CSMD1: variants seen among roughly 807,000 people sequenced by gnomAD.
CSMD1 encodes the protein CUB and sushi domain-containing protein 1.
In CSMD1, 213 loss-of-function variants were observed where a neutral mutation model predicts 417.5. The ratio of observed to expected loss-of-function variants is 0.51; its 90% CI spans 0.46 to 0.57. CSMD1 has a LOEUF of 0.57. CSMD1 is among the 20% of genes least tolerant of loss of function. CSMD1 has a pLI of 0.00. For synonymous variants in CSMD1, 2,862 were observed against 1,736.8 expected, an observed-to-expected ratio of 1.65 and a Z score of -16.11; for missense variants, 6,923 against 4,529.7, an observed-to-expected ratio of 1.53 and a Z score of -15.17.
At chr8:4,775,790 G>A (rs997223996) in intron 1 of CSMD1, among the ~76,000 whole-genome samples, 1 of 152,150 alleles carries the variant, frequency 6.6e-6, no homozygotes. Context: ...ATGCACTGGG[G>A]ATGGGTCCTC....
intron 23 of CSMD1, among the ~76,000 whole-genome samples, chr8:3,327,892 G>C (rs1174469476): frequency 6.6e-6 from 1 of 151,978 alleles, no homozygotes; most frequent in Non-Finnish European, 1.5e-5. Context: ...GATATTCACT[G>C]TGACCCGGAT....
At chr8:3,735,619 G>A (rs1480640573) in intron 6 of CSMD1, among the ~76,000 whole-genome samples, 2 of 152,144 alleles carry the variant, frequency 1.3e-5, no homozygotes, top group Admixed American at 6.5e-5. Context: ...TCTCTCCACA[G>A]GTAAGTCTGA....
intron 7 of CSMD1, among the ~76,000 whole-genome samples, chr8:3,653,039 A>C (rs1351033450): frequency 6.6e-6 from 1 of 152,104 alleles, no homozygotes; most frequent in Non-Finnish European, 1.5e-5. Context: ...AAAGACACAA[A>C]TGTTTTCTAT....
intron 5 of CSMD1, among the ~76,000 whole-genome samples, chr8:3,846,539 T>C (rs938088597): frequency 1.3e-5 from 2 of 152,256 alleles, no homozygotes; most frequent in African/African-American, 4.8e-5. Context: ...GTGGATTAAT[T>C]GGGCTAGAGC....
intron 7 of CSMD1, among the ~76,000 whole-genome samples, chr8:3,684,281 T>C (rs1406322513): frequency 1.4e-5 from 2 of 144,250 alleles, no homozygotes; most frequent in African/African-American, 5.0e-5. Flanking sequence ...TGTTATATAT[T>C]ATATATAATA....
intron 3 of CSMD1, among the ~76,000 whole-genome samples, chr8:4,200,559 A>G (rs1799587098): frequency 1.3e-5 from 2 of 151,004 alleles, no homozygotes; most frequent in East Asian, 1.9e-4. Context: ...TGCTATCCTT[A>G]TATAATTATA....
chr8:4,277,216 TAC>T (rs398006965), intron 3 of CSMD1, among the ~76,000 whole-genome samples: 9 of 147,094 alleles, frequency 6.1e-5, no homozygotes, highest in Non-Finnish European at 7.6e-5. Flanking sequence ...TATATATATA[TAC>T]ACACAGACAC....
At chr8:3,718,167 A>G (rs1022334609) in intron 6 of CSMD1, among the ~76,000 whole-genome samples, 7 of 152,216 alleles carry the variant, frequency 4.6e-5, no homozygotes, top group African/African-American at 1.4e-4. Context: ...TGGTCTGTAC[A>G]TTACGAGAAG....
At chr8:4,591,195 C>T (rs555735741) in intron 2 of CSMD1, among the ~76,000 whole-genome samples, 7 of 152,188 alleles carry the variant, frequency 4.6e-5, no homozygotes, top group African/African-American at 1.7e-4. Flanking sequence ...TAGGTATTGG[C>T]TGAGTAAAGA....
chr8:3,898,990 C>T (rs1807548459), intron 5 of CSMD1, among the ~76,000 whole-genome samples: 1 of 152,058 alleles, frequency 6.6e-6, no homozygotes, highest in South Asian at 2.1e-4. Context: ...GTACATATTT[C>T]AGTGCTAAAA....
intron 3 of CSMD1, among the ~76,000 whole-genome samples, chr8:4,294,847 T>C (rs1563404945): frequency 1.3e-5 from 2 of 151,932 alleles, no homozygotes; most frequent in Non-Finnish European, 2.9e-5. Context: ...TTTCCTAAAA[T>C]AATTCCAGAA....
intron 26 of CSMD1, among the ~76,000 whole-genome samples, chr8:3,254,206 A>G (rs1168794874): frequency 6.6e-6 from 1 of 151,832 alleles, no homozygotes; most frequent in Non-Finnish European, 1.5e-5. Flanking sequence ...ATTGGCCCCC[A>G]CTCTCTTCTG....
chr8:3,293,056 T>A (rs528204845), intron 25 of CSMD1, among the ~76,000 whole-genome samples: 1 of 152,308 alleles, frequency 6.6e-6, no homozygotes, highest in South Asian at 2.1e-4. Context: ...TGCTTGTGTG[T>A]AAAGTATTTT....
chr8:4,782,050 C>A (rs1797177389), intron 1 of CSMD1, among the ~76,000 whole-genome samples: 2 of 152,148 alleles, frequency 1.3e-5, no homozygotes, highest in African/African-American at 4.8e-5. Flanking sequence ...GCCCACTAAA[C>A]ACCAATTATT....
chr8:4,381,091 G>A (rs540347303), intron 3 of CSMD1, among the ~76,000 whole-genome samples: 1 of 152,254 alleles, frequency 6.6e-6, no homozygotes, highest in Admixed American at 6.5e-5. Flanking sequence ...AGTAATTGTG[G>A]TTTTAGCCAT....
At chr8:4,124,016 T>C (rs1172618418) in intron 3 of CSMD1, among the ~76,000 whole-genome samples, 1 of 152,100 alleles carries the variant, frequency 6.6e-6, no homozygotes, top group African/African-American at 2.4e-5. Context: ...ATGGATTATC[T>C]AACTTTTTTT....
intron 2 of CSMD1, among the ~76,000 whole-genome samples, chr8:4,454,804 G>A (rs1368019977): frequency 6.6e-6 from 1 of 152,184 alleles, no homozygotes; most frequent in African/African-American, 2.4e-5. Context: ...AACTAGAAGT[G>A]AAAATTATCT....
At chr8:3,490,439 A>G (rs1419258786) in intron 11 of CSMD1, among the ~76,000 whole-genome samples, 2 of 152,182 alleles carry the variant, frequency 1.3e-5, no homozygotes, top group Non-Finnish European at 2.9e-5. Flanking sequence ...GCCTGCATTT[A>G]TATTTTAAAT....
At chr8:4,801,836 T>C (rs201296549) in intron 1 of CSMD1, among the ~76,000 whole-genome samples, 3 of 152,150 alleles carry the variant, frequency 2.0e-5, no homozygotes, top group Non-Finnish European at 4.4e-5. Context: ...TGACAAAGGA[T>C]AGAATTATTG....
Sources: gnomAD v4.1 joint callset for allele counts (sites outside exome capture counted in the v4.1 genomes callset) on GRCh38, gnomAD v4.1.1 for gene constraint, MANE v1.5 for transcripts, NCBI Gene and HGNC (gene_info 2026-07-23, HGNC 2026-07-21) for gene names.